SLC2A9: variants seen among roughly 807,000 people sequenced by gnomAD.
SLC2A9 encodes the protein solute carrier family 2 member 9.
SLC2A9 carries 39 observed loss-of-function variants against 50.6 expected under a neutral mutation model. That is an observed-to-expected ratio of 0.77 (90% CI 0.60 to 1.01). The LOEUF (loss-of-function observed/expected upper bound fraction) is 1.01, where lower values mean the gene tolerates loss of function less well. Among genes scored for constraint, SLC2A9 ranks in the 50% least tolerant of loss-of-function variants. The pLI is 0.00. For missense variants in SLC2A9, 686 were observed against 677.6 expected, an observed-to-expected ratio of 1.01 and a Z score of -0.14; for synonymous variants, 324 against 276.9, an observed-to-expected ratio of 1.17 and a Z score of -1.69.
At chr4:9,938,988 C>G (rs181343666) in intron 6 of SLC2A9, among the ~76,000 whole-genome samples, 2 of 152,270 alleles carry the variant, frequency 1.3e-5, no homozygotes, top group South Asian at 4.1e-4. Context: ...GGCCCAAGTT[C>G]GTGGCCTCCC....
chr4:10,028,485 G>A (rs1352503116), intron 1 of SLC2A9, among the ~76,000 whole-genome samples: 3 of 152,162 alleles, frequency 2.0e-5, no homozygotes, highest in African/African-American at 4.8e-5. Context: ...GAGCTCAGGC[G>A]ACTGAGTTAA....
chr4:9,999,553 G>A (rs1178495178), intron 2 of SLC2A9, among the ~76,000 whole-genome samples: 1 of 152,168 alleles, frequency 6.6e-6, no homozygotes, highest in African/African-American at 2.4e-5. Context: ...AAGAAAGCTT[G>A]GGTGGCCATG....
intron 2 of SLC2A9, among the ~76,000 whole-genome samples, chr4:9,999,076 C>CTTT (rs34545348): frequency 1.4e-5 from 2 of 143,260 alleles, no homozygotes; most frequent in Non-Finnish European, 3.0e-5. Context: ...GTAGGTCCTT[C>CTTT]TTTTTTTTTT....
intron 3 of SLC2A9, among the ~76,000 whole-genome samples, chr4:9,781,164 C>T (rs1326882552): frequency 6.6e-6 from 1 of 152,152 alleles, no homozygotes; most frequent in African/African-American, 2.4e-5. Context: ...AGTTCTGACA[C>T]TGTCCCAGGA....
intron 5 of SLC2A9, among the ~76,000 whole-genome samples, chr4:9,952,650 C>G (rs572952149): frequency 2.6e-5 from 4 of 151,996 alleles, no homozygotes; most frequent in African/African-American, 9.7e-5. Flanking sequence ...CTTAGCCTCC[C>G]GGTAGCTAGG....
At chr4:9,871,018 G>A (rs1733346171) in intron 10 of SLC2A9, among the ~76,000 whole-genome samples, 1 of 152,158 alleles carries the variant, frequency 6.6e-6, no homozygotes, top group Admixed American at 6.5e-5. Flanking sequence ...CTGGACTCAA[G>A]AGATCTTCCT....
At chr4:9,771,452 C>T (rs1716803055) in intron 1 of SLC2A9, 1 of 398,790 alleles carries the variant, frequency 2.5e-6, no homozygotes, top group Admixed American at 4.4e-5. Flanking sequence ...GCTCACATTC[C>T]TGTTTTCCAG....
At chr4:9,985,978 G>C (rs528419587) in intron 3 of SLC2A9, among the ~76,000 whole-genome samples, 185 bp from the exon 4 acceptor site, 1 of 152,258 alleles carries the variant, frequency 6.6e-6, no homozygotes, top group Non-Finnish European at 1.5e-5. Flanking sequence ...GGGTCTACTA[G>C]GTCACTTACA....
intron 10 of SLC2A9, among the ~76,000 whole-genome samples, chr4:9,883,829 C>T (rs1205144013): frequency 6.6e-6 from 1 of 152,224 alleles, no homozygotes; most frequent in Non-Finnish European, 1.5e-5. Flanking sequence ...TTCTAGATGT[C>T]AGGCCAGGAC....
In SLC2A9 at chr4:9,800,574, T is replaced by A. The variant is rs114685624; in HGVS notation, n.421-1333A>T. ...CCAGAATTGTGAGAAAATACTTTTG[T>A]GTTGTTTAATCCATACACTTTGTGG... On this transcript the variant is annotated intron_variant and non_coding_transcript_variant, in intron 3 of 3. Transcript: ENST00000503280. Among the ~76,000 whole-genome samples, 570 of 152,310 alleles carry A rather than the reference T, an allele frequency of 3.7e-3. 5 individuals are homozygous for A. The highest frequency in any genetic ancestry group is 0.013 in the African/African-American group (530 of 41,566).
intron 6 of SLC2A9, chr4:9,924,094 T>G (rs573262137): frequency 6.6e-6 from 1 of 152,296 alleles, no homozygotes; most frequent in East Asian, 1.9e-4. Flanking sequence ...GCATGGGGCT[T>G]GGGAGCTGGG....
chr4:9,919,487 C>A (rs1743507204), intron 7 of SLC2A9, among the ~76,000 whole-genome samples: 1 of 152,118 alleles, frequency 6.6e-6, no homozygotes, highest in Non-Finnish European at 1.5e-5. Flanking sequence ...CTAGACACCC[C>A]CAAACACCCT....
intron 5 of SLC2A9, among the ~76,000 whole-genome samples, chr4:9,965,835 A>G (rs2108968596): frequency 6.6e-6 from 1 of 152,356 alleles, no homozygotes. Context: ...TTTATTGAAA[A>G]GACAGAAATT....
At chr4:9,782,436 T>A in intron 3 of SLC2A9, 1 of 1,614,016 alleles carries the variant, frequency 6.2e-7, no homozygotes, top group Non-Finnish European at 8.5e-7. Flanking sequence ...GTCATCAGCG[T>A]GGACCGCTAC....
chr4:9,832,162 G>C (rs1435865604), intron 11 of SLC2A9, among the ~76,000 whole-genome samples: 1 of 152,212 alleles, frequency 6.6e-6, no homozygotes, highest in Non-Finnish European at 1.5e-5. Flanking sequence ...TTTCAGAAGG[G>C]AGGTAGGTCA....
chr4:9,840,352 C>T (rs1263196578), intron 10 of SLC2A9, among the ~76,000 whole-genome samples: 1 of 152,176 alleles, frequency 6.6e-6, no homozygotes, highest in Non-Finnish European at 1.5e-5. Context: ...TCTCTTTCTT[C>T]CAATCCAAGG....
chr4:9,980,076 C>T lies in SLC2A9; in HGVS notation c.681+516G>A, dbSNP rs367585335. ...TAAGGCCACACAGCAAGTAAATCAT[C>T]GAACTGGGATTCAAATTCAGGCCCA... On this transcript the variant is annotated intron_variant, in intron 5 of 11. Transcript: ENST00000264784. Among the ~76,000 whole-genome samples the T allele has an allele frequency of 8.2e-4, 125 of 152,234 alleles. 1 individual carries two copies. Among genetic ancestry groups the T allele is most frequent in the African/African-American group, 2.9e-3 (121 of 41,516 alleles).
At chr4:10,022,087 C>G (rs999951232), upstream of SLC2A9, among the ~76,000 whole-genome samples, 4 of 152,196 alleles carry the variant, frequency 2.6e-5, no homozygotes, top group African/African-American at 9.7e-5. Context: ...GATCTGCCCA[C>G]CTCAGCCTCC....
chr4:9,879,766 A>G (rs1734895836), intron 10 of SLC2A9: 1 of 985,332 alleles, frequency 1.0e-6, no homozygotes, highest in African/African-American at 1.7e-5. Context: ...TGTGATTTTT[A>G]AAACTGGAAT....
Sources: allele counts gnomAD v4.1 joint callset (sites outside exome capture counted in the v4.1 genomes callset), GRCh38; gene constraint gnomAD v4.1.1; transcripts MANE v1.5; gene names NCBI Gene and HGNC (gene_info 2026-07-23, HGNC 2026-07-21).